TCF25: variants seen among roughly 807,000 people sequenced by gnomAD.
TCF25 encodes TCF25 ribosome quality control complex subunit, also known as ribosome quality control complex subunit TCF25.
TCF25 carries 41 observed loss-of-function variants against 83.1 expected under a neutral mutation model. The ratio of observed to expected loss-of-function variants is 0.49; its 90% CI spans 0.38 to 0.64. TCF25 has a LOEUF of 0.64. Ranked by LOEUF, TCF25 falls within the 30% of genes least tolerant of loss-of-function variation. The probability of loss-of-function intolerance (pLI) is 0.00; values close to 1 mark genes in which losing one functional copy is unlikely to be tolerated. For missense variants in TCF25, 979 were observed against 914.5 expected (o/e 1.07, Z -0.91); for synonymous variants, 458 against 365.0 (o/e 1.25, Z -2.90).
intron 1 of TCF25, among the ~76,000 whole-genome samples, chr16:89,879,181 G>A (rs2042413187): frequency 6.6e-6 from 1 of 150,628 alleles, no homozygotes; most frequent in African/African-American, 2.4e-5. Context: ...GGGCTCCTGG[G>A]CCTATCACCC....
chr16:89,903,899 G>T (rs2044556153), intron 12 of TCF25, among the ~76,000 whole-genome samples: 2 of 152,144 alleles, frequency 1.3e-5, no homozygotes, highest in African/African-American at 4.8e-5. Flanking sequence ...AGCCTCCTTG[G>T]GGCTGGTGTG....
At chr16:89,894,046 A>G (rs1597331302) in intron 7 of TCF25, 188 bp downstream of exon 7, 1 of 809,708 alleles carries the variant, frequency 1.2e-6, no homozygotes, top group East Asian at 2.8e-5. Context: ...GCTCTAGGCC[A>G]AGCGAGCTCC....
At chr16:89,895,905 T>C in intron 8 of TCF25, 85 bp from the exon 9 acceptor site, 1 of 1,297,438 alleles carries the variant, frequency 7.7e-7, no homozygotes, top group South Asian at 1.3e-5. Flanking sequence ...CGTCCAGACC[T>C]TTCCTTGTTG....
chr16:89,895,136 A>C lies in TCF25; in HGVS notation c.927A>C (p.Val309=). The change falls in exon 8 of 18, where the codon GTA becomes GTC. Residue 309 remains valine (V), a splice_region_variant and synonymous_variant. Transcript: ENST00000263346. ...QEDQEMARDL[V]ERALYSMECA... ...ATCAGGAGATGGCTCGAGACCTCGT[A>C]GGTAAGGCAGAGCCCCCACCCCATT... 1 of 1,611,950 alleles carries C rather than the reference A, an allele frequency of 6.2e-7. No homozygotes were observed. The highest frequency in any genetic ancestry group is 8.5e-7 in the Non-Finnish European group (1 of 1,179,170).
chr16:89,873,609 C>A lies in TCF25; in HGVS notation c.-59C>A. Reference sequence around the variant, plus strand: ...CGCGAAGAGTGCGCAGGCGCGCCGACAGCCGAGTTTTCTGCGCTTCCTTCT... The same window carrying A: ...CGCGAAGAGTGCGCAGGCGCGCCGAAAGCCGAGTTTTCTGCGCTTCCTTCT... On this transcript the variant is annotated 5_prime_UTR_variant, in exon 1 of 18. Transcript: ENST00000263346. The A allele has an allele frequency of 7.0e-7, 1 of 1,426,090 alleles. No individual in the cohort carries two copies. Among genetic ancestry groups the A allele is most frequent in the Non-Finnish European group, 9.2e-7 (1 of 1,090,654 alleles). The allele number at this position is 1,426,090 out of a possible 1,614,324, so 88.3% of individuals were successfully genotyped here. A position where few individuals can be genotyped will look rare whatever the true frequency, so the allele number is the denominator to read the frequency against.
intron 16 of TCF25, chr16:89,910,269 G>T: frequency 2.5e-6 from 1 of 407,816 alleles, no homozygotes; most frequent in Non-Finnish European, 4.5e-6. Flanking sequence ...CGTTGAAACT[G>T]CAGCTTTTCT....
At chr16:89,899,005 C>T in intron 11 of TCF25, 133 bp downstream of exon 11, 2 of 844,980 alleles carry the variant, frequency 2.4e-6, no homozygotes, top group East Asian at 2.7e-5. Flanking sequence ...AGAACCACGT[C>T]CTCCTGCCTT....
intron 16 of TCF25, 144 bp from the exon 17 acceptor site, chr16:89,910,447 G>C (rs1481724157): frequency 6.5e-6 from 5 of 765,074 alleles, no homozygotes; most frequent in African/African-American, 5.2e-5. Flanking sequence ...TCCAGGGCCT[G>C]TGCTCAGCTG....
chr16:89,883,751 TAACCGCACACGTGTGTCCCTCCTAGCC>T (rs1377446794), intron 2 of TCF25: 9 of 489,764 alleles, frequency 1.8e-5, no homozygotes, highest in African/African-American at 5.9e-5. Context: ...GCAGTGTATG[TAACCGCACACGTGTGTCCCTCCTAGCC>T]AACCGCGCAC....
chr16:89,889,633 C>G (rs1232835722), intron 5 of TCF25: 1 of 155,844 alleles, frequency 6.4e-6, no homozygotes, highest in African/African-American at 2.4e-5. Context: ...TCACCACAAC[C>G]TCCGCCTCCC....
chr16:89,900,645 A>T lies in TCF25; in HGVS notation c.1232A>T (p.Asn411Ile), dbSNP rs1431183632. ...CTTCGTCCCTCGTAGGCTCATCGGA[A>T]CCTGTCCCAGCTCCCTAATTTTGCC... Reference protein sequence around the residue: ...RLFQEWEAHRNLSQLPNFAFS... With the variant: ...RLFQEWEAHRILSQLPNFAFS... The change falls in exon 12 of 18, where the codon AAC (asparagine) becomes ATC (isoleucine). Residue 411 changes from asparagine (N) to isoleucine (I), a missense_variant. Physicochemically the swap from Asn to Ile is moderately radical, Grantham distance 149 (BLOSUM62 -3). Transcript: ENST00000263346. The T allele has an allele frequency of 6.3e-7, 1 of 1,591,928 alleles. No individual in the cohort carries two copies. The highest frequency in any genetic ancestry group is 1.1e-5 in the South Asian group (1 of 90,484).
chr16:89,882,873 A>G (rs1014916724), intron 1 of TCF25, among the ~76,000 whole-genome samples: 2 of 152,040 alleles, frequency 1.3e-5, no homozygotes, highest in African/African-American at 4.8e-5. Context: ...AGGCGCGAGC[A>G]CCTCGCCTGG....
chr16:89,874,397 A>C (rs934665291), intron 1 of TCF25, among the ~76,000 whole-genome samples: 1 of 151,410 alleles, frequency 6.6e-6, no homozygotes, highest in Admixed American at 6.6e-5. Context: ...GCGTAGGGGC[A>C]GGAGTCGGGT....
chr16:89,892,077 A>G (rs2043475519), intron 5 of TCF25, 116 bp from the exon 6 acceptor site: 1 of 959,400 alleles, frequency 1.0e-6, no homozygotes, highest in East Asian at 3.0e-5. Context: ...CCTGCCCCAC[A>G]TGCCTTCTCT....
intron 6 of TCF25, among the ~76,000 whole-genome samples, chr16:89,892,994 A>G (rs1275338176): frequency 6.6e-6 from 1 of 152,204 alleles, no homozygotes; most frequent in Non-Finnish European, 1.5e-5. Context: ...GTAAGGACAC[A>G]TCTAGGAGCG....
At chr16:89,896,446 G>A (rs768066292) in intron 9 of TCF25, among the ~76,000 whole-genome samples, 2 of 151,950 alleles carry the variant, frequency 1.3e-5, no homozygotes, top group East Asian at 1.9e-4. Context: ...AGTGGTTCAC[G>A]CCTGTAATCC....
chr16:89,896,800 C>T (rs545897202), intron 9 of TCF25, among the ~76,000 whole-genome samples: 8 of 152,020 alleles, frequency 5.3e-5, no homozygotes, highest in South Asian at 4.1e-4. Flanking sequence ...GCGATCCACC[C>T]GCCTCGGCCT....
rs1203389963 is a variant in TCF25, at chr16:89,883,386, G to A, written c.228G>A (p.Val76=). 7 of 1,614,008 alleles carry A rather than the reference G, an allele frequency of 4.3e-6. No homozygotes were observed. In the Admixed American group the frequency reaches 1.0e-4, roughly 23 times the overall value. The change falls in exon 2 of 18, where the codon GTG becomes GTA. Residue 76 remains valine, a synonymous_variant. Transcript: ENST00000263346. ...NIDDLEDDPV[V]NGERSGCALT... is the part of the protein sequence containing the mutation. ...ACGATCTTGAGGATGACCCTGTGGT[G>A]AACGGGGAGAGGTCTGGCTGTGCGC...
intron 1 of TCF25, among the ~76,000 whole-genome samples, chr16:89,874,323 T>A (rs1397775401): frequency 2.2e-5 from 1 of 44,492 alleles, no homozygotes; most frequent in African/African-American, 9.2e-5. Context: ...GACGGGGGGG[T>A]GGCGAGGCGA....
Sources: allele counts gnomAD v4.1 joint callset (sites outside exome capture counted in the v4.1 genomes callset), GRCh38; gene constraint gnomAD v4.1.1; transcripts MANE v1.5; gene names NCBI Gene and HGNC (gene_info 2026-07-23, HGNC 2026-07-21).